Variants in SHANK2 observed in about 807,000 individuals in gnomAD.
SHANK2 encodes SH3 and multiple ankyrin repeat domains protein 2.
A neutral mutation model predicts 133.7 loss-of-function variants in SHANK2; 43 were observed. The observed-to-expected ratio is 0.32, with a 90% CI of 0.25 to 0.41. The LOEUF (loss-of-function observed/expected upper bound fraction) is 0.41. Among genes scored for constraint, SHANK2 ranks in the 10% least tolerant of loss-of-function variants. The pLI is 1.00. For synonymous variants in SHANK2, 1,017 were observed against 952.8 expected, an observed-to-expected ratio of 1.07 and a Z score of -1.24; for missense variants, 1,994 against 2,235.8, an observed-to-expected ratio of 0.89 and a Z score of 2.18.
At chr11:70,708,578 C>G (rs1945714420) in intron 14 of SHANK2, among the ~76,000 whole-genome samples, 2 of 152,206 alleles carry the variant, frequency 1.3e-5, no homozygotes, top group Admixed American at 1.3e-4. Context: ...CAGATGTCTC[C>G]TGTGTCCATG....
At chr11:71,138,788 C>T (rs1442993350) in intron 3 of SHANK2, among the ~76,000 whole-genome samples, 3 of 119,936 alleles carry the variant, frequency 2.5e-5, no homozygotes, top group African/African-American at 1.1e-4. Flanking sequence ...AAGACCCTAT[C>T]TCAAAAAAAA....
chr11:71,202,226 C>T (rs1954032944), intron 2 of SHANK2, among the ~76,000 whole-genome samples: 1 of 152,230 alleles, frequency 6.6e-6, no homozygotes, highest in Non-Finnish European at 1.5e-5. Context: ...AGATCAGGAA[C>T]TCACCTCAGA....
At chr11:71,212,268 C>T (rs1954298588) in intron 2 of SHANK2, among the ~76,000 whole-genome samples, 1 of 152,158 alleles carries the variant, frequency 6.6e-6, no homozygotes, top group Non-Finnish European at 1.5e-5. Context: ...AGAGTTTTAC[C>T]AGCGTGGCAT....
At chr11:71,085,664 A>ATATATATAATAAAATATATAACATAT (rs1590894345) in intron 8 of SHANK2, among the ~76,000 whole-genome samples, 1 of 14,994 alleles carries the variant, frequency 6.7e-5, no homozygotes, top group South Asian at 2.2e-3. Context: ...ATATTATATT[A>ATATATATAATAAAATATATAACATAT]TATATGTTAT....
At chr11:70,621,507 C>T (rs2060828909) in intron 17 of SHANK2, among the ~76,000 whole-genome samples, 1 of 152,234 alleles carries the variant, frequency 6.6e-6, no homozygotes, top group African/African-American at 2.4e-5. Context: ...CCCTACAGCA[C>T]CCTTGGCGAG....
chr11:70,911,499 T>TTG (rs1950191546), intron 10 of SHANK2, among the ~76,000 whole-genome samples: 1 of 152,078 alleles, frequency 6.6e-6, no homozygotes, highest in Non-Finnish European at 1.5e-5. Context: ...TTTTGGCTAT[T>TTG]TGTGTGTGTG....
At chr11:71,201,149 T>C (rs1330391734) in intron 2 of SHANK2, among the ~76,000 whole-genome samples, 1 of 152,198 alleles carries the variant, frequency 6.6e-6, no homozygotes, top group African/African-American at 2.4e-5. Context: ...AATTAGGCCA[T>C]GAGGAGCTCC....
At position 70,485,780 on chromosome 11, in the gene SHANK2, C is replaced by G. The variant is rs781811517; in HGVS notation, c.4513G>C (p.Glu1505Gln). The G allele has an allele frequency of 3.1e-6, 5 of 1,613,948 alleles. No homozygotes were observed. The highest frequency in any genetic ancestry group is 4.2e-6 in the Non-Finnish European group (5 of 1,180,030). ...ACGGTGGAGATAGTGCTGGTCGTCTCGAGGTGGTGGTCGCTGCTACTCCGG... is the reference window on the plus strand; with the variant it reads ...ACGGTGGAGATAGTGCTGGTCGTCTGGAGGTGGTGGTCGCTGCTACTCCGG... The part of the protein sequence containing the change: ...DSRSSSDHHL[E>Q]TTSTISTVSS... The change falls in exon 25 of 26, where the codon GAG becomes CAG. Residue 1505 changes from glutamate (E) to glutamine (Q), a missense_variant. Around this residue, in one of 5 missense-constraint regions of SHANK2, gnomAD observed 797 missense variants for 907.4 expected, o/e 0.88. Transcript: ENST00000601538. This position sits in a 1 kb window ranked among gnomAD's most constrained non-coding sequence, Gnocchi z 5.8.
At chr11:71,086,278 A>ATTATATATGTTATATATG (rs1413679554) in intron 8 of SHANK2, among the ~76,000 whole-genome samples, 1 of 57,582 alleles carries the variant, frequency 1.7e-5, no homozygotes, top group Non-Finnish European at 3.0e-5. Flanking sequence ...TATATGTTAT[A>ATTATATATGTTATATATG]TTATATATGT....
intron 2 of SHANK2, among the ~76,000 whole-genome samples, chr11:71,213,923 T>C (rs1555119245): frequency 6.6e-6 from 1 of 152,124 alleles, no homozygotes; most frequent in East Asian, 1.9e-4. Context: ...CCTTGGGCCA[T>C]TTACCATGCA....
At chr11:71,065,239 T>TG (rs1197301255) in intron 9 of SHANK2, among the ~76,000 whole-genome samples, 1 of 150,460 alleles carries the variant, frequency 6.6e-6, no homozygotes, top group East Asian at 2.0e-4. Context: ...GTGGGGAAGT[T>TG]AGGGGTCTGT....
Position 71,092,584 on chromosome 11 carries a change from A to C in SHANK2, c.750T>G (p.Leu250=), listed in dbSNP as rs1474403563. ...AATCTGGGGATGCACCAAGCTCTAAAAGGGTCTAGGAAAAAAAAATTGAAA... is the reference window on the plus strand; with the variant it reads ...AATCTGGGGATGCACCAAGCTCTAACAGGGTCTAGGAAAAAAAAATTGAAA... ...RARNQVALKT[L]LELGASPDYK... Residue 250 remains leucine (L), a synonymous_variant, in exon 8 of 26, where the codon CTT becomes CTG. Transcript: ENST00000601538. 1 of 1,551,512 alleles carries C rather than the reference A, an allele frequency of 6.4e-7. No individual in the cohort carries two copies. Among genetic ancestry groups the C allele is most frequent in the Non-Finnish European group, 8.7e-7 (1 of 1,146,868 alleles).
chr11:70,556,226 C>CT (rs2059827155), intron 17 of SHANK2, among the ~76,000 whole-genome samples: 1 of 152,216 alleles, frequency 6.6e-6, no homozygotes, highest in Non-Finnish European at 1.5e-5. Context: ...ATAGCCATTT[C>CT]TTTTCATTGC....
chr11:70,827,259 A>G (rs1221672489), intron 11 of SHANK2, among the ~76,000 whole-genome samples: 1 of 71,256 alleles, frequency 1.4e-5, no homozygotes, highest in Non-Finnish European at 2.5e-5. Flanking sequence ...ACCCCCTCCT[A>G]CTTTTTTTTT....
intron 10 of SHANK2, among the ~76,000 whole-genome samples, chr11:70,936,631 A>G (rs1325265467): frequency 6.6e-6 from 1 of 152,234 alleles, no homozygotes; most frequent in African/African-American, 2.4e-5. Context: ...TATCTTGTTG[A>G]CAATCATTTT....
chr11:70,935,638 TATTTATTTA>T (rs1950560995), intron 10 of SHANK2, among the ~76,000 whole-genome samples: 1 of 152,166 alleles, frequency 6.6e-6, no homozygotes, highest in Non-Finnish European at 1.5e-5. Flanking sequence ...ACCTGTTATT[TATTTATTTA>T]ATCAGCAAAC....
At chr11:71,070,182 T>A (rs1951124893) in intron 9 of SHANK2, among the ~76,000 whole-genome samples, 1 of 152,166 alleles carries the variant, frequency 6.6e-6, no homozygotes, top group South Asian at 2.1e-4. Flanking sequence ...GAGATGTGGT[T>A]TGGACCAGCT....
At chr11:70,773,807 G>A (rs940571093) in intron 14 of SHANK2, among the ~76,000 whole-genome samples, 1 of 152,136 alleles carries the variant, frequency 6.6e-6, no homozygotes, top group Non-Finnish European at 1.5e-5. Context: ...TGCCTATAAC[G>A]ATAACAACAA....
At chr11:70,861,458 A>G (rs1339725311) in intron 11 of SHANK2, among the ~76,000 whole-genome samples, 1 of 151,462 alleles carries the variant, frequency 6.6e-6, no homozygotes, top group Non-Finnish European at 1.5e-5. Context: ...GTGTTCTGAC[A>G]AAAAATCCCC....
Sources: allele counts gnomAD v4.1 joint callset (sites outside exome capture counted in the v4.1 genomes callset), GRCh38; gene constraint gnomAD v4.1.1; regional missense constraint gnomAD v4.1.1; non-coding constraint Gnocchi (gnomAD v3.1); transcripts MANE v1.5; gene names NCBI Gene and HGNC (gene_info 2026-07-23, HGNC 2026-07-21).